TENT5B: variants seen among roughly 807,000 people sequenced by gnomAD.
TENT5B encodes terminal nucleotidyltransferase 5B.
In TENT5B, 12 loss-of-function variants were observed where a neutral mutation model predicts 21.7. The ratio of observed to expected loss-of-function variants is 0.55; its 90% CI spans 0.36 to 0.90. The LOEUF is 0.90. Ranked by LOEUF, TENT5B falls within the 40% of genes least tolerant of loss-of-function variation. The pLI is 0.01. For synonymous variants in TENT5B, 262 were observed against 266.6 expected (o/e 0.98, Z 0.17); for missense variants, 540 against 601.5 (o/e 0.90, Z 1.07).
At position 27,012,635 on chromosome 1, in the gene TENT5B, G is replaced by T. The variant is rs1419104524; in HGVS notation, c.36C>A (p.Asp12Glu). The T allele has an allele frequency of 2.7e-6, 4 of 1,507,818 alleles. No homozygotes were observed. The highest frequency in any genetic ancestry group is 4.5e-5 in the Admixed American group (2 of 44,792). The allele number at this position is 1,507,818 out of a possible 1,614,324, so 93.4% of individuals were successfully genotyped here. ...MPSESGAERR[D>E]RAAAQVGTAA... Reference sequence around the variant, plus strand: ...CCGTCCCCACCTGAGCAGCCGCCCGGTCCCTGCGCTCAGCTCCGCTCTCCG... The same window carrying T: ...CCGTCCCCACCTGAGCAGCCGCCCGTTCCCTGCGCTCAGCTCCGCTCTCCG... Residue 12 changes from aspartate to glutamate, a missense_variant, in exon 1 of 2, where the codon GAC becomes GAA. Physicochemically the swap from Asp to Glu is conservative, Grantham distance 45. Transcript: ENST00000289166.
Position 27,012,824 on chromosome 1 carries a change from G to T in TENT5B, c.-154C>A, listed in dbSNP as rs892098074. 2.0e-5 allele frequency: 21 copies of T among 1,028,244 alleles called. No homozygotes were observed. In the East Asian group the frequency reaches 6.0e-4, roughly 29 times the overall value. The allele number at this position is 1,028,244 out of a possible 1,614,324, so 63.7% of individuals were successfully genotyped here. A position where few individuals can be genotyped will look rare whatever the true frequency, so the allele number is the denominator to read the frequency against. ...GACAAAGCCAGGGAACACCTCAGAC[G>T]GCGACGACTAACCGACCCTAGCGCC... On this transcript the variant is annotated 5_prime_UTR_variant, in exon 1 of 2. Coordinates refer to ENST00000289166, the MANE Select transcript of TENT5B (RefSeq NM_052943.4).
At chr1:27,010,722 C>T (rs527942960) in intron 1 of TENT5B, among the ~76,000 whole-genome samples, 6 of 152,312 alleles carry the variant, frequency 3.9e-5, no homozygotes, top group Admixed American at 1.3e-4. Flanking sequence ...TCCTCACCAT[C>T]GCCGACAGCT....
chr1:27,009,806 C>T (rs982861265), intron 1 of TENT5B, among the ~76,000 whole-genome samples: 3 of 152,256 alleles, frequency 2.0e-5, no homozygotes, highest in African/African-American at 7.2e-5. Flanking sequence ...TGCGTCAGGG[C>T]CATGGGGCCA....
At position 27,006,723 on chromosome 1, in the gene TENT5B, G is replaced by A; in HGVS notation, c.499C>T (p.Leu167=). The change falls in exon 2 of 2, where the codon CTG becomes TTG. Residue 167 remains leucine (L), a synonymous_variant. Transcript: ENST00000289166. This position sits in a 1 kb window ranked among gnomAD's most constrained non-coding sequence, Gnocchi z 9.4. ...AGVSRAKITP[L]TLKEAYVQKL... is the part of the protein sequence containing the mutation. The stretch of plus-strand genomic sequence containing the variant: ...TGCACGTATGCCTCCTTGAGTGTCA[G>A]TGGCGTGATCTTGGCCCGGCTCACA... The A allele has an allele frequency of 6.2e-7, 1 of 1,614,114 alleles. No homozygotes were observed.
In TENT5B at chr1:27,012,763, G is replaced by A. The variant is rs2082630964; in HGVS notation, c.-93C>T. 4 of 1,351,748 alleles carry A rather than the reference G, an allele frequency of 3.0e-6. No homozygotes were observed. The highest frequency in any genetic ancestry group is 3.0e-5 in the East Asian group (1 of 33,512). 83.7% of individuals were successfully genotyped at this position (1,351,748 alleles called of 1,614,324 possible). A position where few individuals can be genotyped will look rare whatever the true frequency, so the allele number is the denominator to read the frequency against. ...CGGCTGGGCAGGGGCCAAGGCGGGG[G>A]GCACGAAGGCAGGGACGGGGCGGCA... On this transcript the variant is annotated 5_prime_UTR_variant, in exon 1 of 2. Coordinates refer to ENST00000289166, the MANE Select transcript of TENT5B (RefSeq NM_052943.4).
rs1229760757 is a variant in TENT5B, at chr1:27,012,673, GCCCGGCC to G, written c.-10_-4del. The G allele has an allele frequency of 1.4e-6, 2 of 1,459,064 alleles. No homozygotes were observed. The highest frequency in any genetic ancestry group is 3.0e-5 in the African/African-American group (2 of 66,502). The allele number at this position is 1,459,064 out of a possible 1,614,324, so 90.4% of individuals were successfully genotyped here. On this transcript the variant is annotated 5_prime_UTR_variant, in exon 1 of 2. Transcript: ENST00000289166. Reference sequence around the variant, plus strand: ...GCTCCGCTCTCCGACGGCATCATCCGCCCGGCCCCCGGGCCCCGACGGCAGAAACCGT... The same window carrying G: ...GCTCCGCTCTCCGACGGCATCATCCGCCCGGGCCCCGACGGCAGAAACCGT...
chr1:27,005,762 T>C lies in TENT5B; in HGVS notation c.*182A>G. ...GGTCCTCCTGCTGAGAGCCCCAGGC[T>C]GGCATTAAGCCCACAGGGGCCTCGT... On this transcript the variant is annotated 3_prime_UTR_variant, in exon 2 of 2. Coordinates refer to ENST00000289166, the MANE Select transcript of TENT5B (RefSeq NM_052943.4). 1 of 726,360 alleles carries C rather than the reference T, an allele frequency of 1.4e-6. No individual in the cohort carries two copies. The allele number at this position is 726,360 out of a possible 1,614,324, so 45.0% of individuals were successfully genotyped here.
chr1:27,006,316 C>T lies in TENT5B; in HGVS notation c.906G>A (p.Gln302=). Residue 302 remains glutamine, a synonymous_variant, in exon 2 of 2, where the codon CAG becomes CAA. Transcript: ENST00000289166. The surrounding 1 kb of genome is among the most constrained non-coding windows in gnomAD (Gnocchi z 9.4). ...TGAAGAAGCGGGAGCACATGTAGCG[C>T]TGCAGGGCGCGCACATCGGTGCTGG... is the stretch of plus-strand genomic sequence containing the variant. ...PRPSTDVRAL[Q]RYMCSRFFID... is the part of the protein sequence containing the mutation. The T allele has an allele frequency of 6.2e-7, 1 of 1,611,066 alleles. No homozygotes were observed. The highest frequency in any genetic ancestry group is 2.2e-5 in the East Asian group (1 of 44,824).
Position 27,005,951 on chromosome 1 carries a change from C to A in TENT5B, c.1271G>T (p.Cys424Phe). 6.4e-7 allele frequency: 1 copy of A among 1,559,376 alleles called. No individual in the cohort carries two copies. ...TTCTGGCCAGGGTCTGAGTCAGTTA[C>A]AAGGCAGCCAGGTGGGATAGGCGTG... is the stretch of plus-strand genomic sequence containing the variant. ...LAHAYPTWLP[C>F]N Residue 424 changes from cysteine (C) to phenylalanine (F), a missense_variant, in exon 2 of 2, where the codon TGT (cysteine) becomes TTT (phenylalanine). Physicochemically the swap from Cys to Phe is radical, Grantham distance 205. Coordinates refer to ENST00000289166, the MANE Select transcript of TENT5B (RefSeq NM_052943.4).
At position 27,006,635 on chromosome 1, in the gene TENT5B, C is replaced by G; in HGVS notation, c.587G>C (p.Ser196Thr). The G allele has an allele frequency of 6.2e-7, 1 of 1,614,210 alleles. No homozygotes were observed. Among genetic ancestry groups the G allele is most frequent in the Non-Finnish European group, 8.5e-7 (1 of 1,180,036 alleles). The change falls in exon 2 of 2, where the codon AGC (serine) becomes ACC (threonine). Residue 196 changes from serine (S) to threonine (T), a missense_variant. Coordinates refer to ENST00000289166, the MANE Select transcript of TENT5B (RefSeq NM_052943.4). The surrounding 1 kb of genome is among the most constrained non-coding windows in gnomAD (Gnocchi z 9.4). ...AAACTTGAGCTCCACGTTCTTGCCGCTCTTGTTGGACAGTGAGATGAGGCT... is the reference window on the plus strand; with the variant it reads ...AAACTTGAGCTCCACGTTCTTGCCGGTCTTGTTGGACAGTGAGATGAGGCT... ...RWSLISLSNK[S>T]GKNVELKFVD...
intron 1 of TENT5B, among the ~76,000 whole-genome samples, chr1:27,010,675 C>G (rs887907035): frequency 6.6e-6 from 1 of 152,214 alleles, no homozygotes; most frequent in African/African-American, 2.4e-5. Flanking sequence ...TCCAGAAGTC[C>G]AACTTCCCAG....
At chr1:27,010,892 A>C (rs1325415936) in intron 1 of TENT5B, among the ~76,000 whole-genome samples, 1 of 152,186 alleles carries the variant, frequency 6.6e-6, no homozygotes, top group Non-Finnish European at 1.5e-5. Context: ...TTGGTTTCCT[A>C]AACAGGGCTT....
rs1470114774 is a variant in TENT5B, at chr1:27,005,597, T to C, written c.*347A>G. 1.4e-5 allele frequency: 4 copies of C among 283,830 alleles called. No individual in the cohort carries two copies. Among genetic ancestry groups the C allele is most frequent in the Non-Finnish European group, 2.7e-5 (4 of 150,802 alleles). The allele number at this position is 283,830 out of a possible 1,614,324, so 17.6% of individuals were successfully genotyped here. ...TAGTCAAAAAGACCCTCTTAGACCA[T>C]GGGAATCAATCCAAGGTGCTGGGCA... On this transcript the variant is annotated 3_prime_UTR_variant, in exon 2 of 2. Transcript: ENST00000289166.
rs775456718 is a variant in TENT5B at position 27,007,000 on chromosome 1, C to T, written c.265-43G>A. The T allele has an allele frequency of 6.6e-7, 1 of 1,520,986 alleles. No individual in the cohort carries two copies. The highest frequency in any genetic ancestry group is 2.1e-5 in the Admixed American group (1 of 47,106). 94.2% of individuals were successfully genotyped at this position (1,520,986 alleles called of 1,614,324 possible). ...AAGGAGAGGTGTCAGGAGCGGGCCT[C>T]AGGGGTCCACCAAGGACTTCCGTTT... On this transcript the variant is annotated intron_variant, in intron 1 of 1. Coordinates refer to ENST00000289166, the MANE Select transcript of TENT5B (RefSeq NM_052943.4). This position sits in a 1 kb window ranked among gnomAD's most constrained non-coding sequence, Gnocchi z 9.4.
Position 27,005,158 on chromosome 1 carries a change from T to C in TENT5B, c.*786A>G, listed in dbSNP as rs960135198. 2 of 152,610 alleles carry C rather than the reference T, an allele frequency of 1.3e-5. No individual in the cohort carries two copies. The highest frequency in any genetic ancestry group is 4.8e-5 in the African/African-American group (2 of 41,414). The allele number at this position is 152,610 out of a possible 1,614,324, so 9.5% of individuals were successfully genotyped here. On this transcript the variant is annotated 3_prime_UTR_variant, in exon 2 of 2. Transcript: ENST00000289166. ...TAACCAAGCCAGTGGGGTGGGAACG[T>C]TGACTTGACTGTGGCAAATTCAGGC...
At chr1:27,010,577 C>T (rs912846705) in intron 1 of TENT5B, among the ~76,000 whole-genome samples, 4 of 152,174 alleles carry the variant, frequency 2.6e-5, no homozygotes, top group Non-Finnish European at 5.9e-5. Context: ...TGTTGGAGAG[C>T]AGCAGCCTAA....
rs955350968 is a variant in TENT5B at position 27,005,841 on chromosome 1, C to T, written c.*103G>A. Reference sequence around the variant, plus strand: ...AAGGCCCAACCCTGCAGTGCTGGGCCTCCTGGCACATTCTGCGCCTCTGGT... The same window carrying T: ...AAGGCCCAACCCTGCAGTGCTGGGCTTCCTGGCACATTCTGCGCCTCTGGT... On this transcript the variant is annotated 3_prime_UTR_variant, in exon 2 of 2. Transcript: ENST00000289166. 3.4e-6 allele frequency: 5 copies of T among 1,453,930 alleles called. No individual in the cohort carries two copies. The South Asian group carries it at 4.2e-5, about 12-fold the overall frequency. 90.1% of individuals were successfully genotyped at this position (1,453,930 alleles called of 1,614,324 possible). A position where few individuals can be genotyped will look rare whatever the true frequency, so the allele number is the denominator to read the frequency against.
At chr1:27,007,039 A>G in intron 1 of TENT5B, 82 bp from the exon 2 acceptor site, 2 of 1,250,668 alleles carry the variant, frequency 1.6e-6, no homozygotes, top group Non-Finnish European at 2.1e-6. Context: ...TATCACGGTA[A>G]CTTCAACCAC....
At position 27,006,360 on chromosome 1, in the gene TENT5B, G is replaced by A. The variant is rs2082598791; in HGVS notation, c.862C>T (p.Arg288Trp). The A allele has an allele frequency of 6.2e-6, 10 of 1,611,476 alleles. No homozygotes were observed. Among genetic ancestry groups the A allele is most frequent in the Non-Finnish European group, 8.5e-6 (10 of 1,178,854 alleles). Residue 288 changes from arginine (R) to tryptophan (W), a missense_variant, in exon 2 of 2, where the codon CGG becomes TGG. Physicochemically the swap from Arg to Trp is moderately radical, Grantham distance 101. Transcript: ENST00000289166. The surrounding 1 kb of genome is among the most constrained non-coding windows in gnomAD (Gnocchi z 9.4). Reference sequence around the variant, plus strand: ...GTGCTGGGCCGGGGCCGGAAGCCCCGCACCAGGAGGTGGCAGTACTTGAGG... The same window carrying A: ...GTGCTGGGCCGGGGCCGGAAGCCCCACACCAGGAGGTGGCAGTACTTGAGG... ...GLLKYCHLLV[R>W]GFRPRPSTDV... is the part of the protein sequence containing the mutation.
Sources: allele counts gnomAD v4.1 joint callset (sites outside exome capture counted in the v4.1 genomes callset), GRCh38; gene constraint gnomAD v4.1.1; non-coding constraint Gnocchi (gnomAD v3.1); transcripts MANE v1.5; gene names NCBI Gene and HGNC (gene_info 2026-07-23, HGNC 2026-07-21).